The following RGS3 variants were observed in gnomAD, a reference collection of about 807,000 sequenced individuals.
The protein encoded by RGS3 is regulator of G-protein signalling 3.
Under a neutral mutation model 132.6 loss-of-function variants are expected in RGS3, and 80 were observed. The observed-to-expected ratio is 0.60, with a 90% CI of 0.50 to 0.73. RGS3 has a LOEUF of 0.73. RGS3 is among the 30% of genes least tolerant of loss of function. The pLI is 0.00. For synonymous variants in RGS3, 598 were observed against 620.6 expected (o/e 0.96, Z 0.54); for missense variants, 1,382 against 1,530.8 (o/e 0.90, Z 1.62).
chr9:113,530,067 A>T (rs181160082), intron 18 of RGS3, among the ~76,000 whole-genome samples: 1 of 152,242 alleles, frequency 6.6e-6, no homozygotes. Context: ...CATTAGACAC[A>T]TTCCTGCCTC....
chr9:113,505,559 C>T lies in RGS3; in HGVS notation c.979+36C>T, dbSNP rs887437589. 7.1e-6 allele frequency: 11 copies of T among 1,540,546 alleles called. No individual in the cohort carries two copies. In the African/African-American group the frequency reaches 8.2e-5, roughly 11 times the overall value. ...GACAGGGGGATGCCAACCCCACTTG[C>T]CCACCACACATGTGGGCTTTGCAAA... On this transcript the variant is annotated intron_variant, in intron 11 of 24. Transcript: ENST00000350696.
chr9:113,551,394 T>A (rs934607958), intron 19 of RGS3, among the ~76,000 whole-genome samples: 3 of 152,270 alleles, frequency 2.0e-5, no homozygotes, highest in African/African-American at 7.2e-5. Flanking sequence ...TTGGGTTGTT[T>A]ACACCTTTTG....
rs995975401 is a variant in RGS3, at chr9:113,579,058, G to T, written c.2038-4392G>T. 1.3e-5 allele frequency among the ~76,000 whole-genome samples: 2 copies of T among 150,988 alleles called. No homozygotes were observed. Among genetic ancestry groups the T allele is most frequent in the Non-Finnish European group, 2.9e-5 (2 of 67,832 alleles). On this transcript the variant is annotated intron_variant, in intron 19 of 24. Coordinates refer to ENST00000350696, the Ensembl canonical transcript of RGS3. The surrounding 1 kb of genome is among the most constrained non-coding windows in gnomAD (Gnocchi z 4.3). ...GGCTGTTAAGGGCCACCCTGAGACA[G>T]AGGCAAACCCCAGTTTACACCCCCC...
intron 24 of RGS3, among the ~76,000 whole-genome samples, chr9:113,596,240 A>G (rs1835770034): frequency 6.6e-6 from 1 of 152,226 alleles, no homozygotes; most frequent in South Asian, 2.1e-4. Flanking sequence ...AGGCTGAGGC[A>G]GGATAATCGC....
At chr9:113,526,725 G>C (rs1438876642) in intron 17 of RGS3, among the ~76,000 whole-genome samples, 1 of 152,206 alleles carries the variant, frequency 6.6e-6, no homozygotes, top group African/African-American at 2.4e-5. Context: ...GGCCCACCCA[G>C]CCCGTGATTG....
At chr9:113,520,486 A>G (rs183367192) in intron 16 of RGS3, among the ~76,000 whole-genome samples, 149 of 150,516 alleles carry the variant, frequency 9.9e-4, no homozygotes, top group Middle Eastern at 3.5e-3. Context: ...GTTCTTCCCC[A>G]GTTGCTGGTG....
intron 19 of RGS3, among the ~76,000 whole-genome samples, chr9:113,540,488 G>A (rs1237340742): frequency 2.0e-5 from 3 of 152,170 alleles, no homozygotes; most frequent in Non-Finnish European, 2.9e-5. Context: ...CCATGCTTGC[G>A]GGTCCTAAGA....
intron 24 of RGS3, among the ~76,000 whole-genome samples, chr9:113,596,047 G>A (rs1378610193): frequency 6.6e-6 from 1 of 152,246 alleles, no homozygotes; most frequent in Non-Finnish European, 1.5e-5. Flanking sequence ...GTGAAACGAA[G>A]AGACAGGCTG....
At chr9:113,493,202 C>T (rs1588157446) in intron 7 of RGS3, among the ~76,000 whole-genome samples, 1 of 152,230 alleles carries the variant, frequency 6.6e-6, no homozygotes, top group African/African-American at 2.4e-5. Flanking sequence ...ACTGCAACTG[C>T]CTCCTATTAG....
intron 17 of RGS3, among the ~76,000 whole-genome samples, chr9:113,525,222 G>T (rs953395815): frequency 1.8e-4 from 28 of 152,148 alleles, no homozygotes; most frequent in African/African-American, 6.8e-4. Context: ...GAGAGCTGCT[G>T]AGAGGGATGG....
At chr9:113,452,420 T>G (rs984204182) in intron 1 of RGS3, among the ~76,000 whole-genome samples, 2 of 152,004 alleles carry the variant, frequency 1.3e-5, no homozygotes, top group Non-Finnish European at 2.9e-5. Context: ...TGTGTAGTTT[T>G]TTTTTTTTTT....
intron 8 of RGS3, among the ~76,000 whole-genome samples, 197 bp from the exon 7 acceptor site, chr9:113,497,117 G>T (rs369425974): frequency 2.6e-5 from 4 of 152,336 alleles, no homozygotes; most frequent in African/African-American, 9.6e-5. Context: ...TGGCAGAGGG[G>T]AGAGCCAGAT....
chr9:113,592,497 C>CT (rs56150915), intron 21 of RGS3: 112 of 146,924 alleles, frequency 7.6e-4, no homozygotes, highest in Admixed American at 9.5e-4. Flanking sequence ...GAAGCCCACA[C>CT]TTTTTTTTTT....
chr9:113,517,393 G>T, intron 15 of RGS3, 148 bp from the exon 14 acceptor site: 1 of 713,628 alleles, frequency 1.4e-6, no homozygotes. Flanking sequence ...ATGAGGGGGT[G>T]TGTGGGTTCT....
In RGS3 at chr9:113,565,041, G is replaced by T. The variant is rs1833932617; in HGVS notation, c.2038-18409G>T. ...GCCCTCAGGATGTGTGTGGGGTGGA[G>T]CCTGCTAGGGATCCCAGTGCCAGGG... On this transcript the variant is annotated intron_variant, in intron 19 of 24. Coordinates refer to ENST00000350696, the Ensembl canonical transcript of RGS3. The surrounding 1 kb of genome is among the most constrained non-coding windows in gnomAD (Gnocchi z 5.7). The T allele has an allele frequency of 1.8e-6, 2 of 1,124,350 alleles. No individual in the cohort carries two copies. Among genetic ancestry groups the T allele is most frequent in the African/African-American group, 1.6e-5 (1 of 60,772 alleles). The allele number at this position is 1,124,350 out of a possible 1,614,324, so 69.6% of individuals were successfully genotyped here. A position where few individuals can be genotyped will look rare whatever the true frequency, so the allele number is the denominator to read the frequency against.
rs1404098651 is a variant in RGS3 at position 113,483,044 on chromosome 9, T to G, written c.467-15T>G. 1 of 1,614,036 alleles carries G rather than the reference T, an allele frequency of 6.2e-7. No homozygotes were observed. The highest frequency in any genetic ancestry group is 1.7e-5 in the Admixed American group (1 of 60,008). On this transcript the variant is annotated splice_polypyrimidine_tract_variant and intron_variant, in intron 4 of 24. Coordinates refer to ENST00000350696, the Ensembl canonical transcript of RGS3. ...GTTTCCATTCATCCACCCCAATGTC[T>G]GAATTCTCTTTTAGTTATAGAAGGT...
intron 3 of RGS3, among the ~76,000 whole-genome samples, chr9:113,468,111 C>T (rs1051162604): frequency 2.0e-5 from 3 of 152,212 alleles, no homozygotes; most frequent in Non-Finnish European, 4.4e-5. Flanking sequence ...TCAGAATTCA[C>T]TGCCAAATCT....
intron 17 of RGS3, among the ~76,000 whole-genome samples, chr9:113,524,737 C>T (rs1305583653): frequency 6.6e-6 from 1 of 152,222 alleles, no homozygotes; most frequent in Admixed American, 6.5e-5. Context: ...CTCTGATGCC[C>T]TCACACAGAA....
chr9:113,501,774 A>C (rs1010270531), intron 10 of RGS3: 2 of 910,128 alleles, frequency 2.2e-6, no homozygotes, highest in African/African-American at 1.6e-5. Context: ...GGGGAGGAGG[A>C]TAGAGACAGG....
Sources: gnomAD v4.1 joint callset for allele counts (sites outside exome capture counted in the v4.1 genomes callset) on GRCh38, gnomAD v4.1.1 for gene constraint, Gnocchi (gnomAD v3.1) non-coding constraint, MANE v1.5 for transcripts, NCBI Gene and HGNC (gene_info 2026-07-23, HGNC 2026-07-21) for gene names.